The following NRXN2 variants were observed in gnomAD, a reference collection of about 807,000 sequenced individuals.
NRXN2 encodes neurexin-2-beta.
NRXN2 carries 29 observed loss-of-function variants against 128.8 expected under a neutral mutation model. That is an observed-to-expected ratio of 0.23 (90% CI 0.17 to 0.31). The LOEUF (loss-of-function observed/expected upper bound fraction) is 0.31, where lower values mean the gene tolerates loss of function less well. NRXN2 is among the 10% of genes least tolerant of loss of function. The pLI, the probability that NRXN2 is intolerant of heterozygous loss-of-function variation, is 1.00. For missense variants in NRXN2, 1,881 were observed against 2,452.6 expected (o/e 0.77, Z 4.92); for synonymous variants, 1,098 against 1,075.2 (o/e 1.02, Z -0.41).
intron 4 of NRXN2, among the ~76,000 whole-genome samples, chr11:64,692,201 G>T (rs540203148): frequency 6.6e-6 from 1 of 152,292 alleles, no homozygotes; most frequent in African/African-American, 2.4e-5. Flanking sequence ...GGTCCTCAAC[G>T]TCGTCATCTG....
chr11:64,664,767 G>A (rs1008886113), intron 9 of NRXN2, among the ~76,000 whole-genome samples: 2 of 151,860 alleles, frequency 1.3e-5, no homozygotes, highest in Admixed American at 1.3e-4. Context: ...CGAGGCGGGT[G>A]AATCACAAGG....
intron 19 of NRXN2, among the ~76,000 whole-genome samples, chr11:64,627,684 A>C (rs2043271952): frequency 6.6e-6 from 1 of 152,126 alleles, no homozygotes; most frequent in Non-Finnish European, 1.5e-5. Context: ...CTATGTGGAA[A>C]GAGGTTTGTC....
At chr11:64,666,522 A>T (rs1445521690) in intron 9 of NRXN2, among the ~76,000 whole-genome samples, 2 of 151,014 alleles carry the variant, frequency 1.3e-5, no homozygotes, top group African/African-American at 4.9e-5. Flanking sequence ...ATTTTTTTTT[A>T]AGTTGAATGG....
intron 17 of NRXN2, among the ~76,000 whole-genome samples, chr11:64,643,926 TGCCGCGGCG>T (rs1271914224): frequency 8.1e-6 from 1 of 124,024 alleles, no homozygotes; most frequent in Non-Finnish European, 1.6e-5. Flanking sequence ...CCTGCTGAGA[TGCCGCGGCG>T]GCCACCTCTG....
chr11:64,614,938 G>C (rs1296471938), intron 22 of NRXN2, among the ~76,000 whole-genome samples: 4 of 152,242 alleles, frequency 2.6e-5, no homozygotes, highest in African/African-American at 7.2e-5. Flanking sequence ...CTTGGGGAGG[G>C]GTGGGTGTGT....
Position 64,713,566 on chromosome 11 carries a change from G to T in NRXN2, c.134C>A (p.Ala45Glu). 1 of 1,405,232 alleles carries T rather than the reference G, an allele frequency of 7.1e-7. No individual in the cohort carries two copies. The highest frequency in any genetic ancestry group is 9.3e-7 in the Non-Finnish European group (1 of 1,078,180). The allele number at this position is 1,405,232 out of a possible 1,614,324, so 87.0% of individuals were successfully genotyped here. A position where few individuals can be genotyped will look rare whatever the true frequency, so the allele number is the denominator to read the frequency against. Residue 45 changes from alanine (A) to glutamate (E), a missense_variant, in exon 2 of 23, where the codon GCG (alanine) becomes GAG (glutamate). By Grantham distance (107) the Ala-to-Glu change is moderately radical. Transcript: ENST00000265459. ...GAGCTCGCCGCTGCTCGCCGCGCCCGCCCAGCGCGCGTAGCGAGCCCACTG... is the reference window on the plus strand; with the variant it reads ...GAGCTCGCCGCTGCTCGCCGCGCCCTCCCAGCGCGCGTAGCGAGCCCACTG... Reference protein sequence around the residue: ...PGQWARYARWAGAASSGELSF... With the variant: ...PGQWARYARWEGAASSGELSF...
At chr11:64,641,741 T>C (rs1439197993) in intron 17 of NRXN2, among the ~76,000 whole-genome samples, 1 of 151,614 alleles carries the variant, frequency 6.6e-6, no homozygotes, top group Non-Finnish European at 1.5e-5. Flanking sequence ...GAGGTGATTG[T>C]AAGTGGACAG....
chr11:64,697,049 G>C (rs2054646531), intron 3 of NRXN2, among the ~76,000 whole-genome samples: 1 of 152,128 alleles, frequency 6.6e-6, no homozygotes, highest in Admixed American at 6.5e-5. Context: ...AAACTGGAGA[G>C]GGAGAAGAGG....
rs764944610 is a variant in NRXN2 at position 64,622,743 on chromosome 11, G to A, written c.4173+10C>T. ...CCTGCCCTAATCCACCAGCCAGAGT[G>A]GGGCCTCACCTGGGTGGTGCTGTCC... On this transcript the variant is annotated intron_variant, in intron 21 of 22. Coordinates refer to ENST00000265459, the MANE Select transcript of NRXN2 (RefSeq NM_015080.4). This position sits in a 1 kb window ranked among gnomAD's most constrained non-coding sequence, Gnocchi z 4.3. 1.9e-6 allele frequency: 3 copies of A among 1,602,702 alleles called. No homozygotes were observed. The South Asian group carries it at 3.3e-5, about 18-fold the overall frequency.
At position 64,677,015 on chromosome 11, in the gene NRXN2, A is replaced by G. The variant is rs2051419122; in HGVS notation, c.1175T>C (p.Met392Thr). 2 of 1,607,202 alleles carry G rather than the reference A, an allele frequency of 1.2e-6. No homozygotes were observed. The highest frequency in any genetic ancestry group is 1.3e-5 in the African/African-American group (1 of 74,326). ...LRQHAGIGHA[M>T]VNKLHYLVTI... Reference sequence around the variant, plus strand: ...TACCAGATAATGCAGTTTGTTTACCATAGCGTGTCCAATCCCTGCGTGCTT... The same window carrying G: ...TACCAGATAATGCAGTTTGTTTACCGTAGCGTGTCCAATCCCTGCGTGCTT... The change falls in exon 7 of 23, where the codon ATG becomes ACG. Residue 392 changes from methionine to threonine, a missense_variant. Around this residue, in one of 7 missense-constraint regions of NRXN2, gnomAD observed 997 missense variants for 1,240.8 expected, o/e 0.80. Coordinates refer to ENST00000265459, the MANE Select transcript of NRXN2 (RefSeq NM_015080.4).
chr11:64,708,502 A>C (rs1254997652), intron 2 of NRXN2, among the ~76,000 whole-genome samples: 2 of 152,208 alleles, frequency 1.3e-5, no homozygotes, highest in Non-Finnish European at 2.9e-5. Flanking sequence ...TTTGGCAGAT[A>C]ATCAGCAACG....
chr11:64,722,724 T>G, intron 1 of NRXN2, among the ~76,000 whole-genome samples: 2 of 79,550 alleles, frequency 2.5e-5, no homozygotes, highest in Non-Finnish European at 4.8e-5. Context: ...CCAAAGACCC[T>G]TCCTCCCACC....
intron 22 of NRXN2, among the ~76,000 whole-genome samples, chr11:64,609,389 T>C (rs1384948622): frequency 6.6e-6 from 1 of 151,868 alleles, no homozygotes; most frequent in Non-Finnish European, 1.5e-5. Context: ...AGAAAATACA[T>C]ACACAGCCAT....
At position 64,607,652 on chromosome 11, in the gene NRXN2, C is replaced by T. The variant is rs1471769723; in HGVS notation, c.4683G>A (p.Pro1561=). ...GGTCTCGGTGGTTCATTTTGCCCGC[C>T]GGCAGGTTGGGGGCCGGGGCGGAGG... ...FAPSAPAPNL[P]AGKMNHRDPL... Residue 1561 remains proline, a synonymous_variant, in exon 23 of 23, where the codon CCG becomes CCA. Coordinates refer to ENST00000265459, the MANE Select transcript of NRXN2 (RefSeq NM_015080.4). 4.6e-6 allele frequency: 7 copies of T among 1,521,202 alleles called. No homozygotes were observed. Among genetic ancestry groups the T allele is most frequent in the Non-Finnish European group, 6.2e-6 (7 of 1,132,516 alleles). 94.2% of individuals were successfully genotyped at this position (1,521,202 alleles called of 1,614,324 possible).
chr11:64,687,999 G>A (rs1372663207), intron 5 of NRXN2, among the ~76,000 whole-genome samples: 1 of 152,196 alleles, frequency 6.6e-6, no homozygotes, highest in Admixed American at 6.5e-5. Context: ...GTCCCACCCA[G>A]AAGCCATTCC....
At chr11:64,657,822 G>T (rs1459559513) in intron 11 of NRXN2, among the ~76,000 whole-genome samples, 1 of 152,166 alleles carries the variant, frequency 6.6e-6, no homozygotes, top group Non-Finnish European at 1.5e-5. Context: ...AGATTGTCAG[G>T]AGTCATGCTA....
intron 17 of NRXN2, among the ~76,000 whole-genome samples, chr11:64,643,971 C>T (rs1431807909): frequency 6.6e-6 from 1 of 151,540 alleles, no homozygotes; most frequent in South Asian, 2.1e-4. Flanking sequence ...CGCACGTGCA[C>T]ACTGAGATGT....
In NRXN2 at chr11:64,668,476, G is replaced by T; in HGVS notation, c.1326C>A (p.Pro442=). Residue 442 remains proline (P), a synonymous_variant, in exon 8 of 23, where the codon CCC becomes CCA. Coordinates refer to ENST00000265459, the MANE Select transcript of NRXN2 (RefSeq NM_015080.4). ...GGCAGCCCATGAAGTTGTTGCTGAC[G>T]GGCGAGCCCGGCAGGTCAGCTGTGT... ...SPNTADLPGS[P]VSNNFMGCLK... is the part of the protein sequence containing the mutation. 6.2e-7 allele frequency: 1 copy of T among 1,614,038 alleles called. No individual in the cohort carries two copies. The highest frequency in any genetic ancestry group is 2.2e-5 in the East Asian group (1 of 44,854).
At chr11:64,653,603 G>T in intron 12 of NRXN2, 93 bp downstream of exon 12, 1 of 1,259,280 alleles carries the variant, frequency 7.9e-7, no homozygotes, top group African/African-American at 1.5e-5. Flanking sequence ...CAGCAATCAC[G>T]GCTTCTCTTC....
Sources: allele counts gnomAD v4.1 joint callset (sites outside exome capture counted in the v4.1 genomes callset), GRCh38; gene constraint gnomAD v4.1.1; regional missense constraint gnomAD v4.1.1; non-coding constraint Gnocchi (gnomAD v3.1); transcripts MANE v1.5; gene names NCBI Gene and HGNC (gene_info 2026-07-23, HGNC 2026-07-21).